USP26: variants seen among roughly 807,000 people sequenced by gnomAD.
The protein encoded by USP26 is ubiquitin carboxyl-terminal hydrolase 26.
For synonymous variants in USP26, 236 were observed against 240.6 expected, an observed-to-expected ratio of 0.98 and a Z score of 0.18; for missense variants, 649 against 642.3, an observed-to-expected ratio of 1.01 and a Z score of -0.11.
intron 5 of USP26, among the ~76,000 whole-genome samples, chrX:133,082,220 C>CA (rs745501984): frequency 8.9e-6 from 1 of 111,933 alleles, no homozygotes; most frequent in Non-Finnish European, 1.9e-5. Flanking sequence ...AGCAGCTCTA[C>CA]AAAAAGCCGC....
rs759196759 is a variant in USP26, at chrX:133,078,699, T to A, written c.-77+5008A>T. Among the ~76,000 whole-genome samples the A allele has an allele frequency of 3.6e-5, 4 of 112,583 alleles. No homozygotes were observed. In the East Asian group the frequency reaches 1.1e-3, roughly 32 times the overall value. ...TCATAAAGTACAAAGTGCTTCTGTA[T>A]GCTGACAACTAAAAGCATCTACCTC... On this transcript the variant is annotated intron_variant, in intron 5 of 5. Coordinates refer to ENST00000511190, the MANE Select transcript of USP26 (RefSeq NM_031907.3).
chrX:133,032,588 A>G (rs1487830495), intron 5 of USP26, among the ~76,000 whole-genome samples: 2 of 112,311 alleles, frequency 1.8e-5, no homozygotes, highest in African/African-American at 6.5e-5. Context: ...ACCAATCTGC[A>G]TATTTTTTCT....
intron 5 of USP26, among the ~76,000 whole-genome samples, chrX:133,032,634 G>C (rs1186946072): frequency 8.9e-6 from 1 of 111,978 alleles, no homozygotes; most frequent in African/African-American, 3.3e-5. Flanking sequence ...CCATGGTTCA[G>C]GTGTGTAATA....
chrX:133,025,250 A>G lies in USP26; in HGVS notation c.*229T>C. 2.2e-6 allele frequency: 1 copy of G among 455,640 alleles called. No homozygotes were observed. The highest frequency in any genetic ancestry group is 3.7e-5 in the South Asian group (1 of 27,317). The allele number at this position is 455,640 out of a possible 1,213,427, so 37.5% of individuals were successfully genotyped here. On this transcript the variant is annotated 3_prime_UTR_variant, in exon 6 of 6. Transcript: ENST00000511190. ...AATGAAGAAGAACATGAAAAACACA[A>G]TTTCAGTCTTGTAGGAGAGAAGGAT...
intron 1 of USP26, 130 bp downstream of exon 1, chrX:133,096,900 A>G (rs1267709467): frequency 8.9e-6 from 1 of 112,737 alleles, no homozygotes; most frequent in African/African-American, 3.2e-5. Context: ...GTCTCAAAAA[A>G]AACAAAAACA....
chrX:133,032,153 A>G (rs1422004223), intron 5 of USP26, among the ~76,000 whole-genome samples: 1 of 110,398 alleles, frequency 9.1e-6, no homozygotes, highest in Non-Finnish European at 1.9e-5. Flanking sequence ...TGTCTCAAAA[A>G]AGCAAAAGAA....
chrX:133,070,988 G>A (rs930449382), intron 5 of USP26, among the ~76,000 whole-genome samples: 18 of 110,869 alleles, frequency 1.6e-4, no homozygotes, highest in South Asian at 3.9e-4. Context: ...AGGCTGAGGC[G>A]GGAGGATCAC....
intron 5 of USP26, among the ~76,000 whole-genome samples, chrX:133,031,047 G>A (rs1438288766): frequency 8.9e-6 from 1 of 111,814 alleles, no homozygotes; most frequent in African/African-American, 3.2e-5. Context: ...ATAGGTTAAG[G>A]TCAAGATATA....
chrX:133,039,473 T>C (rs1229593563), intron 5 of USP26, among the ~76,000 whole-genome samples: 1 of 112,075 alleles, frequency 8.9e-6, no homozygotes, highest in Non-Finnish European at 1.9e-5. Context: ...GTTGTGTGGT[T>C]TTGAGTGAGT....
intron 2 of USP26, 33 bp from the exon 3 acceptor site, chrX:133,090,796 T>C (rs2067604606): frequency 8.9e-6 from 1 of 112,206 alleles, no homozygotes; most frequent in Non-Finnish European, 1.9e-5. Flanking sequence ...ATTTATTATA[T>C]GGGAGCATTC....
At chrX:133,047,307 A>C (rs1368674317) in intron 5 of USP26, among the ~76,000 whole-genome samples, 2 of 111,997 alleles carry the variant, frequency 1.8e-5, no homozygotes, top group African/African-American at 6.5e-5. Context: ...TCCAAACCTA[A>C]TAGTATGTCT....
chrX:133,028,184 C>T lies in USP26; in HGVS notation c.37G>A (p.Gly13Arg), dbSNP rs767406920. 1.8e-5 allele frequency: 22 copies of T among 1,209,978 alleles called. No individual in the cohort carries two copies. The highest frequency in any genetic ancestry group is 2.3e-5 in the Non-Finnish European group (21 of 893,950). The part of the protein sequence containing the change: ...ALFLRGFVQI[G>R]NCKTGISKSK... ...TTAGATATCCCAGTCTTGCAGTTCC[C>T]TATTTGGACAAAACCACGTAGGAAT... Residue 13 changes from glycine to arginine, a missense_variant, in exon 6 of 6, where the codon GGG becomes AGG. Transcript: ENST00000511190.
intron 5 of USP26, among the ~76,000 whole-genome samples, chrX:133,055,209 G>C (rs1036947371): frequency 1.5e-4 from 17 of 111,959 alleles, no homozygotes; most frequent in African/African-American, 5.5e-4. Context: ...CAGTTGCTGG[G>C]GTTGGGGAAG....
At position 133,028,030 on chromosome X, in the gene USP26, T is replaced by C. The variant is rs199851795; in HGVS notation, c.191A>G (p.Tyr64Cys). ...ATGCAGGTGATTTTGGTTTCCTCTA[T>C]AGGATTTAAGGACTACATTTTGAAT... ...DNIQNVVLKS[Y>C]RGNQNHLHLT... Residue 64 changes from tyrosine (Y) to cysteine (C), a missense_variant, in exon 6 of 6, where the codon TAT (tyrosine) becomes TGT (cysteine). Physicochemically the swap from Tyr to Cys is radical, Grantham distance 194. Coordinates refer to ENST00000511190, the MANE Select transcript of USP26 (RefSeq NM_031907.3). The C allele has an allele frequency of 5.7e-5, 69 of 1,209,515 alleles. No homozygotes were observed. The East Asian group carries it at 1.6e-3, about 28-fold the overall frequency.
intron 5 of USP26, among the ~76,000 whole-genome samples, chrX:133,080,973 C>T (rs192692117): frequency 3.1e-4 from 34 of 111,221 alleles, no homozygotes; most frequent in Non-Finnish European, 5.1e-4. Flanking sequence ...GGTTCTCAGA[C>T]GGTGATACCC....
chrX:133,029,933 C>T (rs775914338), intron 5 of USP26, among the ~76,000 whole-genome samples: 2 of 111,835 alleles, frequency 1.8e-5, no homozygotes, highest in South Asian at 7.5e-4. Flanking sequence ...AGTGGTCTAA[C>T]CACTGCCTAC....
At position 133,086,362 on chromosome X, in the gene USP26, C is replaced by G. The variant is rs548749890; in HGVS notation, c.-141-2591G>C. ...GTGGCTCATGCCTGTAAAACTAGCA[C>G]TTTGGAAGGCTGAGGTGGGAGGGTT... On this transcript the variant is annotated intron_variant, in intron 4 of 5. Transcript: ENST00000511190. Among the ~76,000 whole-genome samples, 3 of 111,754 alleles carry G rather than the reference C, an allele frequency of 2.7e-5. No homozygotes were observed. In the East Asian group the frequency reaches 8.5e-4, roughly 32 times the overall value.
At chrX:133,093,980 CAAAAAAAAAA>C (rs11327414) in intron 1 of USP26, among the ~76,000 whole-genome samples, 3 of 24,938 alleles carry the variant, frequency 1.2e-4, no homozygotes, top group Non-Finnish European at 1.9e-4. Flanking sequence ...GACCCTGTCT[CAAAAAAAAAA>C]AAAAAAAAAA....
intron 5 of USP26, among the ~76,000 whole-genome samples, chrX:133,029,638 A>G (rs1281555830): frequency 1.8e-5 from 2 of 112,184 alleles, no homozygotes; most frequent in African/African-American, 6.5e-5. Flanking sequence ...TATTTCAACA[A>G]CTTGAGAGAA....
Sources: gnomAD v4.1 joint callset for allele counts (sites outside exome capture counted in the v4.1 genomes callset) on GRCh38, gnomAD v4.1.1 for gene constraint, MANE v1.5 for transcripts, NCBI Gene and HGNC (gene_info 2026-07-23, HGNC 2026-07-21) for gene names.